TET2: variants seen among roughly 807,000 people sequenced by gnomAD.
TET2 encodes the protein tet methylcytosine dioxygenase 2, also known as methylcytosine dioxygenase TET2.
A neutral mutation model predicts 142.9 loss-of-function variants in TET2; 299 were observed. That is an observed-to-expected ratio of 2.09 (90% CI 1.90 to 2.30). The LOEUF is 2.30. Among genes scored for constraint, TET2 ranks in the 30% most tolerant of loss-of-function variants. TET2 has a pLI of 0.00. For synonymous variants in TET2, 819 were observed against 849.0 expected, an observed-to-expected ratio of 0.96 and a Z score of 0.61; for missense variants, 2,418 against 2,378.0, an observed-to-expected ratio of 1.02 and a Z score of -0.35.
chr4:105,162,218 G>A (rs1407486012), intron 1 of TET2, among the ~76,000 whole-genome samples: 1 of 152,124 alleles, frequency 6.6e-6, no homozygotes, highest in Non-Finnish European at 1.5e-5. Context: ...CTCTTGCATA[G>A]GAGTCCCAGG....
chr4:105,237,155 T>C lies in TET2; in HGVS notation c.3213T>C (p.Ala1071=). 6.2e-7 allele frequency: 1 copy of C among 1,614,176 alleles called. No homozygotes were observed. Residue 1071 remains alanine, a synonymous_variant, in exon 3 of 11, where the codon GCT becomes GCC. Coordinates refer to ENST00000380013, the MANE Select transcript of TET2 (RefSeq NM_001127208.3). The stretch of plus-strand genomic sequence containing the variant: ...CAGTTTTGACTAGACAAACCACTGC[T>C]GCAGAACTTGATAGCCACACCCCAG... ...PVTVLTRQTT[A]AELDSHTPAL... is the part of the protein sequence containing the mutation.
chr4:105,270,584 C>T (rs576215742), intron 9 of TET2, among the ~76,000 whole-genome samples: 2 of 152,036 alleles, frequency 1.3e-5, no homozygotes, highest in Non-Finnish European at 2.9e-5. Context: ...AAAAGATTCA[C>T]AGTGCAAAAG....
intron 1 of TET2, among the ~76,000 whole-genome samples, chr4:105,180,722 C>A (rs567070664): frequency 2.9e-4 from 44 of 152,174 alleles, no homozygotes; most frequent in African/African-American, 1.1e-3. Flanking sequence ...TCACTGCAAC[C>A]TCCACCTCCT....
intron 7 of TET2, among the ~76,000 whole-genome samples, chr4:105,260,691 C>T (rs1276824462): frequency 6.6e-6 from 1 of 152,126 alleles, no homozygotes; most frequent in Non-Finnish European, 1.5e-5. Context: ...TAAGCTTTCA[C>T]TTACTATTAT....
intron 2 of TET2, among the ~76,000 whole-genome samples, chr4:105,229,431 C>T (rs181547469): frequency 6.6e-6 from 1 of 152,290 alleles, no homozygotes; most frequent in African/African-American, 2.4e-5. Context: ...CTGCCTCAGC[C>T]TCCCAAGTAA....
chr4:105,169,488 C>T (rs113755512), intron 1 of TET2, among the ~76,000 whole-genome samples: 2,096 of 152,144 alleles, frequency 0.014, 31 homozygotes, highest in Middle Eastern at 0.058. Context: ...AGTCCTTTGC[C>T]GGATGCATAG....
intron 2 of TET2, among the ~76,000 whole-genome samples, chr4:105,197,959 TATG>T (rs1359915576): frequency 6.6e-6 from 1 of 152,206 alleles, no homozygotes; most frequent in Non-Finnish European, 1.5e-5. Context: ...TTAGAATTAC[TATG>T]ATGTTTATTT....
intron 8 of TET2, among the ~76,000 whole-genome samples, chr4:105,266,446 G>C (rs1730685475): frequency 6.6e-6 from 1 of 151,938 alleles, no homozygotes; most frequent in African/African-American, 2.4e-5. Context: ...CTTTACTGGG[G>C]AACAGGCAGA....
At chr4:105,221,528 A>C (rs1727817260) in intron 2 of TET2, among the ~76,000 whole-genome samples, 1 of 152,148 alleles carries the variant, frequency 6.6e-6, no homozygotes, top group African/African-American at 2.4e-5. Context: ...AATAGGCCCT[A>C]CTGAGGATTA....
rs115912650 is a variant in TET2, at chr4:105,227,837, C to T, written c.-46-6060C>T. Among the ~76,000 whole-genome samples, 590 of 152,256 alleles carry T rather than the reference C, an allele frequency of 3.9e-3. 2 individuals are homozygous for T. Among genetic ancestry groups the T allele is most frequent in the South Asian group, 7.0e-3 (34 of 4,824 alleles). On this transcript the variant is annotated intron_variant, in intron 2 of 10. Transcript: ENST00000380013. The stretch of plus-strand genomic sequence containing the variant: ...AAAAAAAATTCATTAACTCTACTTT[C>T]ACTGAATAGCAGGTGAATAGCAGGT...
chr4:105,163,806 C>CGAGAGAGAGAGA (rs59658275), intron 1 of TET2, among the ~76,000 whole-genome samples: 42 of 79,724 alleles, frequency 5.3e-4, no homozygotes, highest in South Asian at 1.8e-3. Context: ...TCGAAAGTTT[C>CGAGAGAGAGAGA]GAGAGAGAGA....
chr4:105,243,012 A>C, intron 5 of TET2, 85 bp downstream of exon 5: 1 of 1,061,960 alleles, frequency 9.4e-7, no homozygotes, highest in Non-Finnish European at 1.4e-6. Flanking sequence ...GGTTACCCAG[A>C]TCAAAGACTC....
chr4:105,259,396 T>C (rs1730304269), intron 6 of TET2, among the ~76,000 whole-genome samples: 1 of 152,196 alleles, frequency 6.6e-6, no homozygotes, highest in Non-Finnish European at 1.5e-5. Context: ...TTTCCATTTG[T>C]AAACTGTAAA....
intron 1 of TET2, chr4:105,147,369 C>T (rs1223357943): frequency 3.3e-5 from 5 of 152,276 alleles, no homozygotes; most frequent in Non-Finnish European, 7.3e-5. Context: ...TCCTCTTCCC[C>T]TGTTTCTTTC....
intron 2 of TET2, among the ~76,000 whole-genome samples, chr4:105,192,069 T>G (rs936303085): frequency 6.6e-6 from 1 of 152,156 alleles, no homozygotes; most frequent in African/African-American, 2.4e-5. Context: ...ACATGAGAAC[T>G]GAGAGCGCAT....
intron 1 of TET2, among the ~76,000 whole-genome samples, chr4:105,183,452 A>G (rs953312939): frequency 5.3e-5 from 8 of 151,976 alleles, no homozygotes; most frequent in Admixed American, 2.0e-4. Context: ...TCCTATATAT[A>G]TTTTTTATCT....
At chr4:105,195,441 C>T (rs950003825) in intron 2 of TET2, among the ~76,000 whole-genome samples, 8 of 152,184 alleles carry the variant, frequency 5.3e-5, no homozygotes, top group Middle Eastern at 6.8e-3. Flanking sequence ...AATCTATGAT[C>T]ATATAATTAC....
intron 1 of TET2, among the ~76,000 whole-genome samples, chr4:105,163,804 TTCGA>T (rs1246345475): frequency 1.5e-4 from 16 of 103,390 alleles, no homozygotes; most frequent in Non-Finnish European, 3.0e-4. Flanking sequence ...GCTCGAAAGT[TTCGA>T]GAGAGAGAGA....
chr4:105,241,152 A>G, intron 3 of TET2, 187 bp from the exon 4 acceptor site: 1 of 1,252,380 alleles, frequency 8.0e-7, no homozygotes, highest in South Asian at 2.6e-5. Flanking sequence ...CAGCATGTAC[A>G]TATACTTAAT....
Sources: gnomAD v4.1 joint callset for allele counts (sites outside exome capture counted in the v4.1 genomes callset) on GRCh38, gnomAD v4.1.1 for gene constraint, MANE v1.5 for transcripts, NCBI Gene and HGNC (gene_info 2026-07-23, HGNC 2026-07-21) for gene names.